Variants in SERPINB9 observed in about 807,000 individuals in gnomAD.
The protein encoded by SERPINB9 is serpin B9.
In SERPINB9, 20 loss-of-function variants were observed where a neutral mutation model predicts 27.2. That is an observed-to-expected ratio of 0.74 (90% CI 0.52 to 1.07). SERPINB9 has a LOEUF of 1.07. SERPINB9 is among the 50% of genes least tolerant of loss of function. The pLI, the probability that SERPINB9 is intolerant of heterozygous loss-of-function variation, is 0.00. For missense variants in SERPINB9, 476 were observed against 460.1 expected (o/e 1.03, Z -0.32); for synonymous variants, 189 against 180.0 (o/e 1.05, Z -0.40).
chr6:2,890,008 T>C lies in SERPINB9; in HGVS notation c.*155A>G, dbSNP rs1767732948. The C allele has an allele frequency of 1.7e-6, 1 of 600,690 alleles. No homozygotes were observed. Among genetic ancestry groups the C allele is most frequent in the East Asian group, 2.8e-5 (1 of 36,140 alleles). 37.2% of individuals were successfully genotyped at this position (600,690 alleles called of 1,614,324 possible). ...AAGTAGCATAAGCGAGTGTGGAGCA[T>C]CATGAATTCATGCTGGCAAATCATG... On this transcript the variant is annotated 3_prime_UTR_variant, in exon 7 of 7. Coordinates refer to ENST00000380698, the MANE Select transcript of SERPINB9 (RefSeq NM_004155.6). The surrounding 1 kb of genome is among the most constrained non-coding windows in gnomAD (Gnocchi z 6.2).
chr6:2,892,937 A>T (rs901957653), intron 5 of SERPINB9, among the ~76,000 whole-genome samples: 2 of 151,834 alleles, frequency 1.3e-5, no homozygotes, highest in African/African-American at 4.8e-5. Context: ...TAACAATTCA[A>T]ATCAAAACTT....
intron 2 of SERPINB9, among the ~76,000 whole-genome samples, chr6:2,897,986 C>A (rs370765348): frequency 6.6e-6 from 1 of 151,932 alleles, no homozygotes; most frequent in Admixed American, 6.6e-5. Flanking sequence ...AGGAGAATCA[C>A]GTGAACTTGA....
At chr6:2,896,454 A>G (rs1419384092) in intron 2 of SERPINB9, among the ~76,000 whole-genome samples, 2 of 152,242 alleles carry the variant, frequency 1.3e-5, no homozygotes, top group African/African-American at 4.8e-5. Flanking sequence ...TTATAGTGAA[A>G]AAAAAAGATG....
At chr6:2,892,059 T>C in intron 5 of SERPINB9, 71 bp from the exon 6 acceptor site, 2 of 1,447,688 alleles carry the variant, frequency 1.4e-6, no homozygotes, top group Non-Finnish European at 9.4e-7. Flanking sequence ...AAGAGTGTTT[T>C]CAGCACCTGT....
intron 4 of SERPINB9, among the ~76,000 whole-genome samples, chr6:2,895,189 C>T (rs1767951288): frequency 6.6e-6 from 1 of 152,126 alleles, no homozygotes; most frequent in African/African-American, 2.4e-5. Flanking sequence ...GGAGGCCCTG[C>T]CAGTCAACAC....
intron 1 of SERPINB9, among the ~76,000 whole-genome samples, chr6:2,900,990 G>A (rs1375510247): frequency 6.6e-6 from 1 of 152,154 alleles, no homozygotes; most frequent in East Asian, 1.9e-4. Flanking sequence ...GGTCAGGGAG[G>A]AGGAGGAAAA....
At chr6:2,892,105 TAAAA>T (rs535487251) in intron 5 of SERPINB9, 117 bp from the exon 6 acceptor site, 224 of 117,720 alleles carry the variant, frequency 1.9e-3, no homozygotes, top group South Asian at 3.0e-3. Flanking sequence ...CAGTTAACAC[TAAAA>T]AAAAAAAAAA....
intron 5 of SERPINB9, 116 bp from the exon 6 acceptor site, chr6:2,892,104 CTAAAAAA>C (rs1767825497): frequency 2.9e-3 from 226 of 79,022 alleles, no homozygotes; most frequent in Middle Eastern, 0.013. Flanking sequence ...CCAGTTAACA[CTAAAAAA>C]AAAAAAAAAA....
In SERPINB9 at chr6:2,887,817, A is replaced by T. The variant is rs544890869; in HGVS notation, c.*2346T>A. ...AGCCCAGATCATGCCACTACACTCC[A>T]GCCTGGGTGACAGAGTGAGGCACTG... On this transcript the variant is annotated 3_prime_UTR_variant, in exon 7 of 7. Coordinates refer to ENST00000380698, the MANE Select transcript of SERPINB9 (RefSeq NM_004155.6). The T allele has an allele frequency of 1.4e-5, 2 of 145,774 alleles. No individual in the cohort carries two copies. Among genetic ancestry groups the T allele is most frequent in the South Asian group, 4.4e-4 (2 of 4,534 alleles). The allele number at this position is 145,774 out of a possible 1,614,324, so 9.0% of individuals were successfully genotyped here.
intron 1 of SERPINB9, among the ~76,000 whole-genome samples, chr6:2,901,973 G>A (rs768677089): frequency 3.1e-4 from 47 of 152,242 alleles, no homozygotes; most frequent in Non-Finnish European, 6.3e-4. Flanking sequence ...TCAGAAAGCG[G>A]TGTCTTAATC....
Position 2,891,805 on chromosome 6 carries a change from T to C in SERPINB9, c.723+28A>G, listed in dbSNP as rs1767807742. 2.6e-6 allele frequency: 4 copies of C among 1,567,544 alleles called. No individual in the cohort carries two copies. The highest frequency in any genetic ancestry group is 3.4e-6 in the Non-Finnish European group (4 of 1,164,508). On this transcript the variant is annotated intron_variant, in intron 6 of 6. Transcript: ENST00000380698. The surrounding 1 kb of genome is among the most constrained non-coding windows in gnomAD (Gnocchi z 4.0). ...CGAGTTCTGCCCGCAAAGGTGTCCC[T>C]GGGTTCTTCCCGCAGCCCGGGTCTT...
Position 2,890,326 on chromosome 6 carries a change from T to C in SERPINB9, c.968A>G (p.Asn323Ser). ...TGCCGCTGCCTCGGTGCCTTCTTCATTCACCTCCACAAAACTCTTGTGCAC... is the reference window on the plus strand; with the variant it reads ...TGCCGCTGCCTCGGTGCCTTCTTCACTCACCTCCACAAAACTCTTGTGCAC... ...KFVHKSFVEV[N>S]EEGTEAAAAS... The change falls in exon 7 of 7, where the codon AAT becomes AGT. Residue 323 changes from asparagine to serine, a missense_variant. Asn to Ser is a conservative substitution (Grantham distance 46). Transcript: ENST00000380698. This position sits in a 1 kb window ranked among gnomAD's most constrained non-coding sequence, Gnocchi z 6.2. The C allele has an allele frequency of 6.2e-7, 1 of 1,614,180 alleles. No individual in the cohort carries two copies. Among genetic ancestry groups the C allele is most frequent in the Non-Finnish European group, 8.5e-7 (1 of 1,180,020 alleles).
At position 2,891,768 on chromosome 6, in the gene SERPINB9, G is replaced by A; in HGVS notation, c.723+65C>T. ...AACTCAGAAGGTGAATATGAGAGGT[G>A]GAAGTGGCACTCGAGTTCTGCCCGC... On this transcript the variant is annotated intron_variant, in intron 6 of 6. Transcript: ENST00000380698. This position sits in a 1 kb window ranked among gnomAD's most constrained non-coding sequence, Gnocchi z 4.0. 2 of 1,512,910 alleles carry A rather than the reference G, an allele frequency of 1.3e-6. No individual in the cohort carries two copies. The highest frequency in any genetic ancestry group is 1.8e-6 in the Non-Finnish European group (2 of 1,133,868). The allele number at this position is 1,512,910 out of a possible 1,614,324, so 93.7% of individuals were successfully genotyped here.
At chr6:2,899,314 G>A (rs937749427) in intron 2 of SERPINB9, among the ~76,000 whole-genome samples, 57 of 152,014 alleles carry the variant, frequency 3.7e-4, no homozygotes, top group South Asian at 6.2e-4. Flanking sequence ...GGGTTCTCAC[G>A]CTTGAATGCC....
chr6:2,902,214 A>G (rs368001029), intron 1 of SERPINB9, among the ~76,000 whole-genome samples: 18 of 151,868 alleles, frequency 1.2e-4, no homozygotes, highest in African/African-American at 4.3e-4. Context: ...CATTAATTCC[A>G]CTCACCCTCA....
At position 2,891,460 on chromosome 6, in the gene SERPINB9, C is replaced by T. The variant is rs1487498401; in HGVS notation, c.723+373G>A. Among the ~76,000 whole-genome samples the T allele has an allele frequency of 6.6e-6, 1 of 152,150 alleles. No homozygotes were observed. The highest frequency in any genetic ancestry group is 1.5e-5 in the Non-Finnish European group (1 of 68,022). On this transcript the variant is annotated intron_variant, in intron 6 of 6. Coordinates refer to ENST00000380698, the MANE Select transcript of SERPINB9 (RefSeq NM_004155.6). This position sits in a 1 kb window ranked among gnomAD's most constrained non-coding sequence, Gnocchi z 4.0. ...TTACCTGAATTACCCACATTTTATC[C>T]TCATCATAACTCTAGGAGGCAATAA...
rs1423099862 is a variant in SERPINB9 at position 2,890,959 on chromosome 6, T to C, written c.724-389A>G. Among the ~76,000 whole-genome samples the C allele has an allele frequency of 2.6e-5, 4 of 152,180 alleles. No homozygotes were observed. Among genetic ancestry groups the C allele is most frequent in the African/African-American group, 9.7e-5 (4 of 41,446 alleles). Reference sequence around the variant, plus strand: ...ATTGGAAACGAAAGGGCTCTCAGTGTGAGCCACTCCAACAGGATTATCTGT... The same window carrying C: ...ATTGGAAACGAAAGGGCTCTCAGTGCGAGCCACTCCAACAGGATTATCTGT... On this transcript the variant is annotated intron_variant, in intron 6 of 6. Coordinates refer to ENST00000380698, the MANE Select transcript of SERPINB9 (RefSeq NM_004155.6). This position sits in a 1 kb window ranked among gnomAD's most constrained non-coding sequence, Gnocchi z 6.2.
rs1767935646 is a variant in SERPINB9 at position 2,894,781 on chromosome 6, T to C, written c.424+610A>G. ...TTGTTTTTTTGTTTGTTTTTTGTTT[T>C]TGAGACAGGCTGGAGTTCAGTGGCA... On this transcript the variant is annotated intron_variant, in intron 4 of 6. Transcript: ENST00000380698. The surrounding 1 kb of genome is among the most constrained non-coding windows in gnomAD (Gnocchi z 4.7). Among the ~76,000 whole-genome samples the C allele has an allele frequency of 6.6e-6, 1 of 152,172 alleles. No homozygotes were observed.
At chr6:2,896,617 T>A (rs1232508609) in intron 2 of SERPINB9, among the ~76,000 whole-genome samples, 2 of 152,238 alleles carry the variant, frequency 1.3e-5, no homozygotes, top group African/African-American at 4.8e-5. Context: ...AGGGACTACA[T>A]GTGTGTATAT....
Sources: allele counts gnomAD v4.1 joint callset (sites outside exome capture counted in the v4.1 genomes callset), GRCh38; gene constraint gnomAD v4.1.1; non-coding constraint Gnocchi (gnomAD v3.1); transcripts MANE v1.5; gene names NCBI Gene and HGNC (gene_info 2026-07-23, HGNC 2026-07-21).